SBDS: variants seen among roughly 807,000 people sequenced by gnomAD.
The protein encoded by SBDS is SBDS ribosome maturation factor.
A neutral mutation model predicts 26.4 loss-of-function variants in SBDS; 20 were observed. The ratio of observed to expected loss-of-function variants is 0.76; its 90% CI spans 0.53 to 1.10. The LOEUF (loss-of-function observed/expected upper bound fraction) is 1.10, where lower values mean the gene tolerates loss of function less well. Ranked by LOEUF, SBDS falls within the 50% of genes least tolerant of loss-of-function variation. The pLI is 0.00. For synonymous variants in SBDS, 95 were observed against 105.1 expected (o/e 0.90, Z 0.59); for missense variants, 241 against 302.0 (o/e 0.80, Z 1.50).
In SBDS at chr7:66,991,132, C is replaced by T; in HGVS notation, c.624+5G>A. 1 of 1,610,556 alleles carries T rather than the reference C, an allele frequency of 6.2e-7. No individual in the cohort carries two copies. Among genetic ancestry groups the T allele is most frequent in the Non-Finnish European group, 8.5e-7 (1 of 1,178,444 alleles). ...CATGAAGCAAAGAAAATATTTGACT[C>T]TTACGATTTCTAACTGTTGGCCATA... On this transcript the variant is annotated splice_donor_5th_base_variant and intron_variant, in intron 4 of 4. Transcript: ENST00000246868.
chr7:66,992,701 A>C (rs1201983190), intron 3 of SBDS, among the ~76,000 whole-genome samples: 1 of 151,924 alleles, frequency 6.6e-6, no homozygotes, highest in Non-Finnish European at 1.5e-5. Context: ...TTTTAAATTT[A>C]ATTTTTTATA....
chr7:66,995,533 A>G lies in SBDS; in HGVS notation c.-116T>C. On this transcript the variant is annotated 5_prime_UTR_variant, in exon 1 of 5. Coordinates refer to ENST00000246868, the MANE Select transcript of SBDS (RefSeq NM_016038.4). ...ATCGGCGCGCGGCACTGACCCAACC[A>G]CCAGTGCGCGGCGCCGCGACTCACT... 1.3e-6 allele frequency: 2 copies of G among 1,481,514 alleles called. No homozygotes were observed. The highest frequency in any genetic ancestry group is 9.3e-7 in the Non-Finnish European group (1 of 1,078,192). The allele number at this position is 1,481,514 out of a possible 1,614,324, so 91.8% of individuals were successfully genotyped here.
At chr7:66,991,840 C>T (rs570769031) in intron 3 of SBDS, among the ~76,000 whole-genome samples, 10 of 152,230 alleles carry the variant, frequency 6.6e-5, no homozygotes, top group South Asian at 2.1e-4. Context: ...CTCAAATCAT[C>T]ATTAAGGAAA....
At chr7:66,993,723 A>C (rs1793024471) in intron 2 of SBDS, among the ~76,000 whole-genome samples, 1 of 151,924 alleles carries the variant, frequency 6.6e-6, no homozygotes. Context: ...AAAATCCAAA[A>C]ATTAGCCAGG....
chr7:66,995,574 TCA>T lies in SBDS; in HGVS notation c.-159_-158del. 2 of 1,047,768 alleles carry T rather than the reference TCA, an allele frequency of 1.9e-6. No individual in the cohort carries two copies. Among genetic ancestry groups the T allele is most frequent in the Non-Finnish European group, 2.8e-6 (2 of 708,922 alleles). 64.9% of individuals were successfully genotyped at this position (1,047,768 alleles called of 1,614,324 possible). A position where few individuals can be genotyped will look rare whatever the true frequency, so the allele number is the denominator to read the frequency against. The stretch of plus-strand genomic sequence containing the variant: ...GCGACTCACTAGCTTCAGGCAGCCG[TCA>T]CAGTGTGTCTGGCAGGCTTACTTAC... On this transcript the variant is annotated 5_prime_UTR_variant, in exon 1 of 5. Transcript: ENST00000246868.
At chr7:66,991,698 C>T (rs1366150720) in intron 3 of SBDS, among the ~76,000 whole-genome samples, 1 of 119,798 alleles carries the variant, frequency 8.3e-6, no homozygotes, top group Admixed American at 1.3e-4. Context: ...ACTCAAGAGG[C>T]TGAGGCAGGA....
Position 66,993,435 on chromosome 7 carries a change from C to G in SBDS, c.259-18G>C. ...GTCAAAATCTAAAAAAATGCCAACA[C>G]ATTTAAGAAATCACTATCTTTCTCT... On this transcript the variant is annotated intron_variant, in intron 2 of 4. Transcript: ENST00000246868. The G allele has an allele frequency of 6.3e-7, 1 of 1,592,828 alleles. No individual in the cohort carries two copies. The highest frequency in any genetic ancestry group is 8.6e-7 in the Non-Finnish European group (1 of 1,161,194).
intron 4 of SBDS, among the ~76,000 whole-genome samples, chr7:66,989,222 A>T (rs1365131292): frequency 6.9e-6 from 1 of 144,344 alleles, no homozygotes; most frequent in African/African-American, 2.5e-5. Flanking sequence ...TCACATACTC[A>T]ACACTTCTCT....
At position 66,991,307 on chromosome 7, in the gene SBDS, A is replaced by G. The variant is rs1472107309; in HGVS notation, c.460-6T>C. On this transcript the variant is annotated splice_polypyrimidine_tract_variant and splice_region_variant and intron_variant, in intron 3 of 4. Coordinates refer to ENST00000246868, the MANE Select transcript of SBDS (RefSeq NM_016038.4). Reference sequence around the variant, plus strand: ...TGCTTTATCACTTCCAAAGCCTACCAAGACAAAATCGAGAATGCAATTTCT... The same window carrying G: ...TGCTTTATCACTTCCAAAGCCTACCGAGACAAAATCGAGAATGCAATTTCT... The G allele has an allele frequency of 4.4e-6, 7 of 1,605,394 alleles. No individual in the cohort carries two copies. The highest frequency in any genetic ancestry group is 4.3e-6 in the Non-Finnish European group (5 of 1,174,740).
chr7:66,993,852 C>T (rs1793027519), intron 2 of SBDS, among the ~76,000 whole-genome samples: 1 of 151,458 alleles, frequency 6.6e-6, no homozygotes, highest in African/African-American at 2.4e-5. Flanking sequence ...GCACTCCAGC[C>T]TGGGCAACAG....
In SBDS at chr7:66,988,439, T is replaced by C. The variant is rs1181908075; in HGVS notation, c.685A>G (p.Lys229Glu). 1.2e-6 allele frequency: 2 copies of C among 1,613,956 alleles called. No individual in the cohort carries two copies. The highest frequency in any genetic ancestry group is 3.3e-5 in the Admixed American group (2 of 60,012). ...EIDELIKKETKGKGSLEVLNL... is the reference protein window; with the variant it reads ...EIDELIKKETEGKGSLEVLNL... Reference sequence around the variant, plus strand: ...AGTACTTCCAAAGAACCTTTGCCTTTAGTTTCCTTTTTTATTAGCTCATCA... The same window carrying C: ...AGTACTTCCAAAGAACCTTTGCCTTCAGTTTCCTTTTTTATTAGCTCATCA... The change falls in exon 5 of 5, where the codon AAA (lysine) becomes GAA (glutamate). Residue 229 changes from lysine (K) to glutamate (E), a missense_variant. Lys to Glu is a moderately conservative substitution (Grantham distance 56, BLOSUM62 1). Transcript: ENST00000246868.
Position 66,987,972 on chromosome 7 carries a change from T to C in SBDS, c.*399A>G. Reference sequence around the variant, plus strand: ...TTAAGTAGAAATGAAGCATCATATGTTTTCTTTTTTAGGAAAGACCCCCCC... The same window carrying C: ...TTAAGTAGAAATGAAGCATCATATGCTTTCTTTTTTAGGAAAGACCCCCCC... On this transcript the variant is annotated 3_prime_UTR_variant, in exon 5 of 5. Transcript: ENST00000246868. 1 of 262,118 alleles carries C rather than the reference T, an allele frequency of 3.8e-6. No individual in the cohort carries two copies. 16.2% of individuals were successfully genotyped at this position (262,118 alleles called of 1,614,324 possible). A position where few individuals can be genotyped will look rare whatever the true frequency, so the allele number is the denominator to read the frequency against.
At chr7:66,992,550 T>A (rs1194766982) in intron 3 of SBDS, among the ~76,000 whole-genome samples, 1 of 152,086 alleles carries the variant, frequency 6.6e-6, no homozygotes, top group African/African-American at 2.4e-5. Context: ...TTTAAAAGTT[T>A]GATTTGGATA....
At chr7:66,988,613 AC>A in intron 4 of SBDS, 114 bp from the exon 5 acceptor site, 1 of 1,244,094 alleles carries the variant, frequency 8.0e-7, no homozygotes, top group Non-Finnish European at 1.2e-6. Flanking sequence ...TAATAATACC[AC>A]AGTTCTATGG....
intron 4 of SBDS, among the ~76,000 whole-genome samples, chr7:66,990,747 T>C (rs1792958995): frequency 6.6e-6 from 1 of 152,180 alleles, no homozygotes; most frequent in Non-Finnish European, 1.5e-5. Context: ...CTGGGCGCGG[T>C]GGCTCACGCC....
rs1180704904 is a variant in SBDS, at chr7:66,989,399, G to GT, written c.625-901_625-900insA. Among the ~76,000 whole-genome samples the GT allele has an allele frequency of 6.1e-3, 933 of 151,846 alleles. 6 individuals are homozygous for GT. Among genetic ancestry groups the GT allele is most frequent in the Admixed American group, 0.014 (207 of 15,196 alleles). ...CGTCTCTACTAAAAATACAAAATTA[G>GT]CTGGGCGAGGTGGCACATGCCTGTA... On this transcript the variant is annotated intron_variant, in intron 4 of 4. Coordinates refer to ENST00000246868, the MANE Select transcript of SBDS (RefSeq NM_016038.4).
intron 3 of SBDS, among the ~76,000 whole-genome samples, chr7:66,992,983 G>A (rs1347238870): frequency 7.9e-5 from 12 of 151,238 alleles, no homozygotes; most frequent in Non-Finnish European, 1.0e-4. Flanking sequence ...CTCCAGCCTG[G>A]GCAATAGAGT....
chr7:66,995,374 A>T lies in SBDS; in HGVS notation c.44T>A (p.Val15Glu). 2 of 1,614,132 alleles carry T rather than the reference A, an allele frequency of 1.2e-6. No homozygotes were observed. Among genetic ancestry groups the T allele is most frequent in the Non-Finnish European group, 1.7e-6 (2 of 1,180,016 alleles). The change falls in exon 1 of 5, where the codon GTG (valine) becomes GAG (glutamate). Residue 15 changes from valine to glutamate, a missense_variant. Physicochemically the swap from Val to Glu is moderately radical, Grantham distance 121 (BLOSUM62 -2). Transcript: ENST00000246868. ...TPTNQIRLTN[V>E]AVVRMKRAGK... ...GGCACGCTTCATCCGTACCACGGCC[A>T]CATTGGTTAGGCGGATCTGGTTGGT...
At chr7:66,993,126 T>A in intron 3 of SBDS, 91 bp downstream of exon 3, 1 of 1,186,926 alleles carries the variant, frequency 8.4e-7, no homozygotes, top group Non-Finnish European at 1.3e-6. Flanking sequence ...CATGAACCAT[T>A]GTGCCTGGCC....
Sources: allele counts gnomAD v4.1 joint callset (sites outside exome capture counted in the v4.1 genomes callset), GRCh38; gene constraint gnomAD v4.1.1; transcripts MANE v1.5; gene names NCBI Gene and HGNC (gene_info 2026-07-23, HGNC 2026-07-21).